The following BTBD10 variants were observed in gnomAD, a reference collection of about 807,000 sequenced individuals.
BTBD10 encodes BTB domain containing 10, also known as BTB/POZ domain-containing protein 10.
In BTBD10, 21 loss-of-function variants were observed where a neutral mutation model predicts 53.2. The observed-to-expected ratio is 0.39, with a 90% CI of 0.28 to 0.57. The LOEUF (loss-of-function observed/expected upper bound fraction) is 0.57. Ranked by LOEUF, BTBD10 falls within the 20% of genes least tolerant of loss-of-function variation. The pLI, the probability that BTBD10 is intolerant of heterozygous loss-of-function variation, is 0.53. For synonymous variants in BTBD10, 149 were observed against 192.7 expected (o/e 0.77, Z 1.88); for missense variants, 360 against 594.7 (o/e 0.61, Z 4.10).
chr11:13,416,353 G>C (rs959342629), intron 5 of BTBD10, among the ~76,000 whole-genome samples: 14 of 151,788 alleles, frequency 9.2e-5, no homozygotes, highest in African/African-American at 3.4e-4. Context: ...GACCCTGTCT[G>C]GGGCAAAAAA....
chr11:13,459,430 A>G (rs1408634713), intron 1 of BTBD10, among the ~76,000 whole-genome samples: 1 of 152,154 alleles, frequency 6.6e-6, no homozygotes. Context: ...AGCAAGATAC[A>G]CTAGGGGAAA....
Position 13,398,438 on chromosome 11 carries a change from C to T in BTBD10, c.1117+4730G>A, listed in dbSNP as rs1949617500. 2.0e-5 allele frequency among the ~76,000 whole-genome samples: 3 copies of T among 152,252 alleles called. No homozygotes were observed. The South Asian group carries it at 6.2e-4, about 32-fold the overall frequency. On this transcript the variant is annotated intron_variant, in intron 8 of 8. Coordinates refer to ENST00000278174, the MANE Select transcript of BTBD10 (RefSeq NM_032320.7). ...CTTTATTTTGAGCCTATGTGTGTCTCTGCATGTGAGATGGGTCTCCTGAAT... is the reference window on the plus strand; with the variant it reads ...CTTTATTTTGAGCCTATGTGTGTCTTTGCATGTGAGATGGGTCTCCTGAAT...
chr11:13,413,017 A>G (rs889676124), intron 6 of BTBD10, among the ~76,000 whole-genome samples: 25 of 152,210 alleles, frequency 1.6e-4, no homozygotes, highest in Admixed American at 1.4e-3. Context: ...CTTTGAGACA[A>G]TATTTGAAGT....
At chr11:13,454,786 G>A (rs1228782568) in intron 1 of BTBD10, among the ~76,000 whole-genome samples, 1 of 151,842 alleles carries the variant, frequency 6.6e-6, no homozygotes, top group African/African-American at 2.4e-5. Flanking sequence ...TTTATTTATT[G>A]AGTACTTAAG....
intron 1 of BTBD10, among the ~76,000 whole-genome samples, chr11:13,451,660 C>A (rs10832040): frequency 0.44 from 66,470 of 152,006 alleles, 16,320 homozygotes; most frequent in South Asian, 0.62. Flanking sequence ...ACAACAACAA[C>A]AAGTCCTCAT....
chr11:13,440,674 G>T (rs974966054), intron 2 of BTBD10, among the ~76,000 whole-genome samples: 3 of 152,144 alleles, frequency 2.0e-5, no homozygotes, highest in African/African-American at 7.2e-5. Context: ...GCAGTCTCAG[G>T]AGAAACGAGC....
chr11:13,396,970 A>G (rs1031460726), intron 8 of BTBD10, among the ~76,000 whole-genome samples: 3 of 152,160 alleles, frequency 2.0e-5, no homozygotes, highest in Non-Finnish European at 4.4e-5. Context: ...GTTTTGCATC[A>G]ATGTTCATCA....
intron 4 of BTBD10, among the ~76,000 whole-genome samples, chr11:13,418,971 C>CTT (rs11423580): frequency 0.29 from 36,465 of 124,942 alleles, 5,974 homozygotes; most frequent in Non-Finnish European, 0.37. Flanking sequence ...GTTGACATTC[C>CTT]TTTTTTTTTT....
Position 13,421,797 on chromosome 11 carries a change from T to G in BTBD10, c.143A>C (p.Lys48Thr). The stretch of plus-strand genomic sequence containing the variant: ...CCCACTAGCACCATGTAGACTCATT[T>G]TGGTGTGGTCAACTCCTCCTTTAGC... ...RIAKGGVDHTKMSLHGASGGH... is the reference protein window; with the variant it reads ...RIAKGGVDHTTMSLHGASGGH... The change falls in exon 3 of 9, where the codon AAA becomes ACA. Residue 48 changes from lysine (K) to threonine (T), a missense_variant. Lys to Thr is a moderately conservative substitution (Grantham distance 78). Transcript: ENST00000278174. The G allele has an allele frequency of 6.2e-7, 1 of 1,613,896 alleles. No individual in the cohort carries two copies. The highest frequency in any genetic ancestry group is 8.5e-7 in the Non-Finnish European group (1 of 1,179,882).
In BTBD10 at chr11:13,419,462, G is replaced by T. The variant is rs778757989; in HGVS notation, c.582C>A (p.Gly194=). 1.2e-6 allele frequency: 2 copies of T among 1,609,736 alleles called. No homozygotes were observed. Among genetic ancestry groups the T allele is most frequent in the Non-Finnish European group, 1.7e-6 (2 of 1,178,516 alleles). Residue 194 remains glycine (G), a splice_region_variant and synonymous_variant, in exon 4 of 9, where the codon GGC becomes GGA. Transcript: ENST00000278174. The part of the protein sequence containing the change: ...IFTAQPNTML[G]RMFGSGREHN... The stretch of plus-strand genomic sequence containing the variant: ...CAAATAACTGCAATAATACAAACCT[G>T]CCCAACATTGTATTTGGCTGTGCAG...
chr11:13,443,205 G>C (rs915659655), intron 2 of BTBD10, among the ~76,000 whole-genome samples: 1 of 151,036 alleles, frequency 6.6e-6, no homozygotes, highest in Non-Finnish European at 1.5e-5. Context: ...AGTAAGTTGA[G>C]ATGGTGCCAC....
intron 6 of BTBD10, 43 bp downstream of exon 6, chr11:13,413,487 T>A: frequency 6.4e-7 from 1 of 1,555,482 alleles, no homozygotes. Flanking sequence ...TTCCAATATA[T>A]TCTAATTCTA....
intron 7 of BTBD10, chr11:13,404,553 A>G: frequency 1.1e-6 from 1 of 926,314 alleles, no homozygotes; most frequent in Non-Finnish European, 1.3e-6. Flanking sequence ...AAAATAATTT[A>G]GTATACCTCT....
chr11:13,449,242 C>T (rs1450943213), intron 1 of BTBD10, among the ~76,000 whole-genome samples: 1 of 152,090 alleles, frequency 6.6e-6, no homozygotes, highest in Non-Finnish European at 1.5e-5. Context: ...CAAAACAAAA[C>T]AAAACAAAGA....
At chr11:13,449,675 T>G (rs1950818167) in intron 1 of BTBD10, among the ~76,000 whole-genome samples, 1 of 152,208 alleles carries the variant, frequency 6.6e-6, no homozygotes, top group South Asian at 2.1e-4. Context: ...CTCATGGTTC[T>G]GGAGGCTGGA....
intron 2 of BTBD10, among the ~76,000 whole-genome samples, chr11:13,441,488 A>C (rs1252306618): frequency 6.6e-6 from 1 of 152,144 alleles, no homozygotes; most frequent in African/African-American, 2.4e-5. Flanking sequence ...ATAATAATTA[A>C]ATGATTTTTT....
rs1159868984 is a variant in BTBD10 at position 13,388,646 on chromosome 11, G to A, written c.*185C>T. The A allele has an allele frequency of 5.2e-6, 3 of 577,496 alleles. No individual in the cohort carries two copies. The East Asian group carries it at 8.6e-5, about 17-fold the overall frequency. The allele number at this position is 577,496 out of a possible 1,614,324, so 35.8% of individuals were successfully genotyped here. ...TTACAACTGGAACTTCAAAATGCTAGAGTTGTACTCATTTAAAAAAAAACC... is the reference window on the plus strand; with the variant it reads ...TTACAACTGGAACTTCAAAATGCTAAAGTTGTACTCATTTAAAAAAAAACC... On this transcript the variant is annotated 3_prime_UTR_variant, in exon 9 of 9. Coordinates refer to ENST00000278174, the MANE Select transcript of BTBD10 (RefSeq NM_032320.7).
intron 2 of BTBD10, among the ~76,000 whole-genome samples, chr11:13,434,856 T>G (rs1236632319): frequency 1.3e-5 from 2 of 152,156 alleles, no homozygotes; most frequent in African/African-American, 2.4e-5. Flanking sequence ...CCTCTGAAAT[T>G]TACTGATGGA....
intron 6 of BTBD10, among the ~76,000 whole-genome samples, chr11:13,411,804 ATC>A (rs1949954166): frequency 6.6e-6 from 1 of 151,654 alleles, no homozygotes; most frequent in South Asian, 2.1e-4. Flanking sequence ...GAAATCAGGG[ATC>A]TATAATGCTC....
Sources: gnomAD v4.1 joint callset for allele counts (sites outside exome capture counted in the v4.1 genomes callset) on GRCh38, gnomAD v4.1.1 for gene constraint, MANE v1.5 for transcripts, NCBI Gene and HGNC (gene_info 2026-07-23, HGNC 2026-07-21) for gene names.